Variants in ZNF528 observed in about 807,000 individuals in gnomAD.
The protein encoded by ZNF528 is zinc finger protein 528.
A neutral mutation model predicts 13.3 loss-of-function variants in ZNF528; 9 were observed. The observed-to-expected ratio is 0.67, with a 90% CI of 0.41 to 1.18. The LOEUF is 1.18. ZNF528 is among the 50% of genes most tolerant of loss of function. The probability of loss-of-function intolerance (pLI) is 0.01; values close to 1 mark genes in which losing one functional copy is unlikely to be tolerated. For missense variants in ZNF528, 858 were observed against 745.4 expected (o/e 1.15, Z -1.76); for synonymous variants, 264 against 254.3 (o/e 1.04, Z -0.36).
At chr19:52,408,844 G>T (rs1054347674) in intron 6 of ZNF528, among the ~76,000 whole-genome samples, 35 of 152,326 alleles carry the variant, frequency 2.3e-4, no homozygotes, top group African/African-American at 7.9e-4. Flanking sequence ...TGGGATTACA[G>T]GCATGAGCCA....
chr19:52,415,297 G>GA lies in ZNF528; in HGVS notation c.451dup (p.Ile151AsnfsTer12). 1 of 1,612,426 alleles carries GA rather than the reference G, an allele frequency of 6.2e-7. No individual in the cohort carries two copies. Among genetic ancestry groups the GA allele is most frequent in the African/African-American group, 1.3e-5 (1 of 74,876 alleles). The stretch of plus-strand genomic sequence containing the variant: ...TGACAATTCCTCAGTTTCACCGCTT[G>GA]AAAAAATTTCTTCCAGTGTCAAATC... On this transcript the variant is annotated frameshift_variant, in exon 7 of 7. Transcript: ENST00000360465. LOFTEE classifies it low-confidence loss of function (END_TRUNC).
intron 4 of ZNF528, among the ~76,000 whole-genome samples, chr19:52,405,484 T>C (rs1339426274): frequency 6.6e-6 from 1 of 152,098 alleles, no homozygotes; most frequent in Non-Finnish European, 1.5e-5. Context: ...TGAGTCAAGA[T>C]TGTGGCACTG....
intron 4 of ZNF528, among the ~76,000 whole-genome samples, chr19:52,403,342 A>G (rs1266074289): frequency 1.3e-5 from 2 of 152,122 alleles, no homozygotes; most frequent in African/African-American, 2.4e-5. Flanking sequence ...AAAATTGCGA[A>G]CCAAACTAAT....
Position 52,417,276 on chromosome 19 carries a change from AT to A in ZNF528, c.*539del. 7.5e-6 allele frequency: 2 copies of A among 265,412 alleles called. No individual in the cohort carries two copies. Among genetic ancestry groups the A allele is most frequent in the Admixed American group, 4.9e-5 (1 of 20,604 alleles). The allele number at this position is 265,412 out of a possible 1,614,324, so 16.4% of individuals were successfully genotyped here. A position where few individuals can be genotyped will look rare whatever the true frequency, so the allele number is the denominator to read the frequency against. On this transcript the variant is annotated 3_prime_UTR_variant, in exon 7 of 7. Coordinates refer to ENST00000360465, the MANE Select transcript of ZNF528 (RefSeq NM_032423.3). Reference sequence around the variant, plus strand: ...ACAGGGCTGACTTCATTAGCTGAGGATTATTTCTATCCAATTTCCTGATGAA... The same window carrying A: ...ACAGGGCTGACTTCATTAGCTGAGGATATTTCTATCCAATTTCCTGATGAA...
At chr19:52,414,783 G>T (rs2058977893) in intron 6 of ZNF528, 1 of 452,028 alleles carries the variant, frequency 2.2e-6, no homozygotes, top group Admixed American at 3.3e-5. Context: ...CTGGCTTGTG[G>T]AAGTACCATT....
intron 6 of ZNF528, chr19:52,414,119 C>A: frequency 1.5e-6 from 1 of 682,606 alleles, no homozygotes; most frequent in Non-Finnish European, 2.7e-6. Flanking sequence ...CCTCATATCG[C>A]TCCCAGTACC....
At chr19:52,414,891 G>C in intron 6 of ZNF528, 1 of 1,423,246 alleles carries the variant, frequency 7.0e-7, no homozygotes, top group Non-Finnish European at 9.4e-7. Flanking sequence ...GTATTTCTCT[G>C]CTCATAGTCT....
At chr19:52,411,203 T>A (rs778439537) in intron 6 of ZNF528, among the ~76,000 whole-genome samples, 3 of 152,160 alleles carry the variant, frequency 2.0e-5, no homozygotes, top group Non-Finnish European at 4.4e-5. Context: ...AATGGTGACA[T>A]AATGTAGGAC....
intron 6 of ZNF528, among the ~76,000 whole-genome samples, chr19:52,407,923 G>A (rs2058878994): frequency 6.6e-6 from 1 of 152,020 alleles, no homozygotes; most frequent in African/African-American, 2.4e-5. Context: ...ATGTTGGGCA[G>A]GCTGGTCTCG....
Position 52,401,071 on chromosome 19 carries a change from A to T in ZNF528, c.-136-614A>T, listed in dbSNP as rs116792346. Among the ~76,000 whole-genome samples the T allele has an allele frequency of 7.8e-3, 1,186 of 152,154 alleles. 16 individuals carry two copies. The highest frequency in any genetic ancestry group is 0.027 in the African/African-American group (1,129 of 41,516). On this transcript the variant is annotated intron_variant, in intron 2 of 6. Transcript: ENST00000360465. Reference sequence around the variant, plus strand: ...ACCTGTTCTGTCTGCCCACACCCTCAGCTTTTCCTTTTGATCTCATCTATG... The same window carrying T: ...ACCTGTTCTGTCTGCCCACACCCTCTGCTTTTCCTTTTGATCTCATCTATG...
In ZNF528 at chr19:52,415,604, G is replaced by T. The variant is rs138440110; in HGVS notation, c.752G>T (p.Ser251Ile). The change falls in exon 7 of 7, where the codon AGT (serine) becomes ATT (isoleucine). Residue 251 changes from serine to isoleucine, a missense_variant. Transcript: ENST00000360465. ...TGTCATGAATGTGGCAAGCTCTTCA[G>T]TAGCAATTCAAACCTTTCACAACAT... ...YKCHECGKLF[S>I]SNSNLSQHQR... 2 of 1,613,944 alleles carry T rather than the reference G, an allele frequency of 1.2e-6. No homozygotes were observed. The highest frequency in any genetic ancestry group is 1.7e-6 in the Non-Finnish European group (2 of 1,180,002).
intron 4 of ZNF528, among the ~76,000 whole-genome samples, chr19:52,403,922 A>G (rs997706903): frequency 6.6e-6 from 1 of 152,192 alleles, no homozygotes; most frequent in African/African-American, 2.4e-5. Flanking sequence ...GATAGCTATA[A>G]GAATAATAAT....
At chr19:52,413,476 T>C (rs976711407) in intron 6 of ZNF528, 1 of 152,208 alleles carries the variant, frequency 6.6e-6, no homozygotes, top group Non-Finnish European at 1.5e-5. Context: ...CGTTTGTAAT[T>C]CCTTCAACAA....
At chr19:52,401,884 G>A (rs1387457487) in intron 3 of ZNF528, 63 bp from the exon 4 acceptor site, 7 of 1,567,072 alleles carry the variant, frequency 4.5e-6, no homozygotes, top group Middle Eastern at 1.7e-4. Flanking sequence ...TTTGTGTGTG[G>A]CTATGGCACA....
intron 6 of ZNF528, among the ~76,000 whole-genome samples, chr19:52,407,135 G>A (rs1253611673): frequency 6.7e-6 from 1 of 148,796 alleles, no homozygotes; most frequent in Non-Finnish European, 1.5e-5. Flanking sequence ...ATGTGGAGAT[G>A]GGGTTTCACC....
At chr19:52,400,332 C>A (rs565767540) in intron 2 of ZNF528, among the ~76,000 whole-genome samples, 2 of 151,900 alleles carry the variant, frequency 1.3e-5, no homozygotes, top group South Asian at 4.2e-4. Context: ...TTTTTACTTG[C>A]AATAAGTATG....
At chr19:52,398,145 A>G (rs1236304639) in intron 1 of ZNF528, 1 of 151,910 alleles carries the variant, frequency 6.6e-6, no homozygotes, top group African/African-American at 2.4e-5. Flanking sequence ...CGTGGGGTTT[A>G]CCTGCTTCAA....
rs1159513371 is a variant in ZNF528, at chr19:52,406,627, C to G, written c.255C>G (p.Ile85Met). 5.6e-6 allele frequency: 9 copies of G among 1,613,330 alleles called. No homozygotes were observed. The highest frequency in any genetic ancestry group is 5.0e-5 in the Admixed American group (3 of 59,886). ...ACGATCCAGACGGCAGGGAGTGCATCAAAGGTGTGAACACAGGTGAGAGCT... is the reference window on the plus strand; with the variant it reads ...ACGATCCAGACGGCAGGGAGTGCATGAAAGGTGTGAACACAGGTGAGAGCT... ...IANDPDGRECIKGVNTERSSK... is the reference protein window; with the variant it reads ...IANDPDGRECMKGVNTERSSK... Residue 85 changes from isoleucine to methionine, a missense_variant, in exon 6 of 7, where the codon ATC becomes ATG. Ile to Met is a conservative substitution (Grantham distance 10, BLOSUM62 1). Transcript: ENST00000360465.
chr19:52,402,075 A>G, intron 4 of ZNF528, 47 bp downstream of exon 4: 1 of 1,613,864 alleles, frequency 6.2e-7, no homozygotes, highest in Non-Finnish European at 8.5e-7. Context: ...TTTCTTCCTG[A>G]AATGCCAGGC....
Sources: gnomAD v4.1 joint callset for allele counts (sites outside exome capture counted in the v4.1 genomes callset) on GRCh38, gnomAD v4.1.1 for gene constraint, MANE v1.5 for transcripts, NCBI Gene and HGNC (gene_info 2026-07-23, HGNC 2026-07-21) for gene names.